GBE1: variants seen among roughly 807,000 people sequenced by gnomAD.
GBE1 encodes 1,4-alpha-glucan-branching enzyme.
GBE1 carries 70 observed loss-of-function variants against 88.8 expected under a neutral mutation model. That is an observed-to-expected ratio of 0.79 (90% confidence interval 0.65 to 0.96). GBE1 has a LOEUF of 0.96. Among genes scored for constraint, GBE1 ranks in the 40% least tolerant of loss-of-function variants. The probability of loss-of-function intolerance (pLI) is 0.00; values close to 1 mark genes in which losing one functional copy is unlikely to be tolerated. For synonymous variants in GBE1, 284 were observed against 300.1 expected, an observed-to-expected ratio of 0.95 and a Z score of 0.56; for missense variants, 872 against 871.0, an observed-to-expected ratio of 1.00 and a Z score of -0.01.
rs149538069 is a variant in GBE1 at position 81,623,332 on chromosome 3, G to A, written c.992+19449C>T. On this transcript the variant is annotated intron_variant, in intron 7 of 15. Coordinates refer to ENST00000429644, the MANE Select transcript of GBE1 (RefSeq NM_000158.4). ...TTATTCTCAGAATATGATATTGCACGTCACTTCATTCAGGTCTCTGCTTAA... is the reference window on the plus strand; with the variant it reads ...TTATTCTCAGAATATGATATTGCACATCACTTCATTCAGGTCTCTGCTTAA... 7.0e-4 allele frequency among the ~76,000 whole-genome samples: 107 copies of A among 152,258 alleles called. No individual in the cohort carries two copies. The East Asian group carries it at 0.018, about 25-fold the overall frequency.
intron 1 of GBE1, among the ~76,000 whole-genome samples, chr3:81,745,255 T>G (rs1706405211): frequency 6.6e-6 from 1 of 152,178 alleles, no homozygotes; most frequent in Non-Finnish European, 1.5e-5. Flanking sequence ...GTTAGAAAAC[T>G]TACTGTGACC....
At chr3:81,535,377 C>T (rs1576137491) in intron 13 of GBE1, 52 bp from the exon 14 acceptor site, 2 of 1,515,858 alleles carry the variant, frequency 1.3e-6, no homozygotes, top group East Asian at 2.3e-5. Flanking sequence ...GATGCTGCTA[C>T]AAGTACATTA....
At chr3:81,722,879 CGTGTGT>C in intron 1 of GBE1, among the ~76,000 whole-genome samples, 1 of 142,748 alleles carries the variant, frequency 7.0e-6, no homozygotes, top group African/African-American at 2.6e-5. Context: ...GGCACACACA[CGTGTGT>C]GTGTGTGTGT....
chr3:81,713,343 C>A (rs529116342), intron 1 of GBE1, among the ~76,000 whole-genome samples: 1 of 152,138 alleles, frequency 6.6e-6, no homozygotes, highest in Non-Finnish European at 1.5e-5. Flanking sequence ...TGCTTCTTGA[C>A]GACATGACGA....
chr3:81,495,649 T>C lies in GBE1; in HGVS notation c.2052+3461A>G, dbSNP rs147187462. ...TCTAGTATTTCTGTACAGAAATGTA[T>C]ATTAGCTCATCTAACTTGTATACAT... On this transcript the variant is annotated intron_variant, in intron 15 of 15. Coordinates refer to ENST00000429644, the MANE Select transcript of GBE1 (RefSeq NM_000158.4). Among the ~76,000 whole-genome samples the C allele has an allele frequency of 3.6e-3, 544 of 152,316 alleles. 2 individuals carry two copies. Among genetic ancestry groups the C allele is most frequent in the African/African-American group, 0.012 (510 of 41,564 alleles).
intron 7 of GBE1, among the ~76,000 whole-genome samples, chr3:81,625,216 T>C (rs1231948028): frequency 1.3e-5 from 2 of 152,122 alleles, no homozygotes; most frequent in Non-Finnish European, 2.9e-5. Flanking sequence ...CTTTATCAGT[T>C]AAGAGAATAC....
At chr3:81,717,948 AATTTT>A (rs1192503156) in intron 1 of GBE1, among the ~76,000 whole-genome samples, 1 of 144,514 alleles carries the variant, frequency 6.9e-6, no homozygotes, top group Non-Finnish European at 1.5e-5. Context: ...AGACACAGGA[AATTTT>A]ATTTTATTTA....
intron 1 of GBE1, among the ~76,000 whole-genome samples, chr3:81,750,548 T>TATAC (rs1553696549): frequency 1.2e-5 from 1 of 84,306 alleles, no homozygotes; most frequent in Non-Finnish European, 2.0e-5. Context: ...CGTATATATA[T>TATAC]ATGTATATAT....
In GBE1 at chr3:81,631,776, T is replaced by A. The variant is rs924137821; in HGVS notation, c.992+11005A>T. On this transcript the variant is annotated intron_variant, in intron 7 of 15. Transcript: ENST00000429644. Reference sequence around the variant, plus strand: ...AAAAAAAAACATAAAAAATAAAAAATTTTTAATGGAAACACTTTGAAATTA... The same window carrying A: ...AAAAAAAAACATAAAAAATAAAAAAATTTTAATGGAAACACTTTGAAATTA... Among the ~76,000 whole-genome samples, 15 of 151,798 alleles carry A rather than the reference T, an allele frequency of 9.9e-5. 1 individual carries two copies. Among genetic ancestry groups the A allele is most frequent in the Admixed American group, 5.3e-4 (8 of 15,214 alleles).
At position 81,660,560 on chromosome 3, in the gene GBE1, G is replaced by A. The variant is rs76551452; in HGVS notation, c.429+10278C>T. On this transcript the variant is annotated intron_variant, in intron 3 of 15. Transcript: ENST00000429644. ...AATGAGTGAGGCATGGGGAATATTC[G>A]TAAGATGAGACGCAGTGACCTATGG... Among the ~76,000 whole-genome samples the A allele has an allele frequency of 1.9e-3, 286 of 152,142 alleles. 1 individual carries two copies. Among genetic ancestry groups the A allele is most frequent in the Non-Finnish European group, 3.0e-3 (203 of 67,980 alleles).
At chr3:81,551,120 T>C (rs1477660142) in intron 12 of GBE1, among the ~76,000 whole-genome samples, 1 of 152,228 alleles carries the variant, frequency 6.6e-6, no homozygotes, top group East Asian at 1.9e-4. Flanking sequence ...AGCCAAAGAA[T>C]ATATTCTAAG....
chr3:81,534,663 C>T (rs1329143624), intron 14 of GBE1: 1 of 152,136 alleles, frequency 6.6e-6, no homozygotes, highest in African/African-American at 2.4e-5. Context: ...TTTGCTCTCT[C>T]CCACTGAGTG....
At chr3:81,541,003 C>A (rs1225384439) in intron 12 of GBE1, among the ~76,000 whole-genome samples, 4 of 151,948 alleles carry the variant, frequency 2.6e-5, no homozygotes, top group Non-Finnish European at 5.9e-5. Flanking sequence ...TGATGACCTC[C>A]CCAACTCCCA....
intron 12 of GBE1, among the ~76,000 whole-genome samples, chr3:81,561,393 C>T (rs1330373747): frequency 6.6e-6 from 1 of 151,944 alleles, no homozygotes; most frequent in Non-Finnish European, 1.5e-5. Context: ...TCATTTTGTA[C>T]ATGATAAGTT....
chr3:81,701,513 GT>G lies in GBE1; in HGVS notation c.313+3930del, dbSNP rs35771080. On this transcript the variant is annotated intron_variant, in intron 2 of 15. Coordinates refer to ENST00000429644, the MANE Select transcript of GBE1 (RefSeq NM_000158.4). The stretch of plus-strand genomic sequence containing the variant: ...TAAAAAGACCTTTGCAAATAAGAGG[GT>G]TTTTTTTTTAATACTGCCAATTAAC... 5.0e-3 allele frequency among the ~76,000 whole-genome samples: 740 copies of G among 147,274 alleles called. 3 individuals are homozygous for G. The highest frequency in any genetic ancestry group is 0.016 in the African/African-American group (658 of 40,264).
At chr3:81,705,347 T>C in intron 2 of GBE1, 97 bp downstream of exon 2, 1 of 921,470 alleles carries the variant, frequency 1.1e-6, no homozygotes, top group Non-Finnish European at 1.6e-6. Flanking sequence ...TTGTAATCAT[T>C]AAAGTTCATA....
chr3:81,585,893 G>A (rs541137943), intron 10 of GBE1, among the ~76,000 whole-genome samples, 199 bp downstream of exon 10: 5 of 152,240 alleles, frequency 3.3e-5, no homozygotes, highest in South Asian at 2.1e-4. Context: ...GCCTGAATAC[G>A]TATGAATACT....
chr3:81,708,522 A>T (rs1705808710), intron 1 of GBE1, among the ~76,000 whole-genome samples: 1 of 152,150 alleles, frequency 6.6e-6, no homozygotes, highest in Non-Finnish European at 1.5e-5. Context: ...GATAGTCTAT[A>T]TGGATGGGAT....
chr3:81,665,235 T>C (rs1383315688), intron 3 of GBE1, among the ~76,000 whole-genome samples: 3 of 152,120 alleles, frequency 2.0e-5, no homozygotes, highest in Non-Finnish European at 2.9e-5. Context: ...AGATTGATGT[T>C]AGACATGAGA....
Sources: allele counts gnomAD v4.1 joint callset (sites outside exome capture counted in the v4.1 genomes callset), GRCh38; gene constraint gnomAD v4.1.1; transcripts MANE v1.5; gene names NCBI Gene and HGNC (gene_info 2026-07-23, HGNC 2026-07-21).